The following NCK2 variants were observed in gnomAD, a reference collection of about 807,000 sequenced individuals.
NCK2 encodes cytoplasmic protein NCK2.
In NCK2, 16 loss-of-function variants were observed where a neutral mutation model predicts 33.9. That is an observed-to-expected ratio of 0.47 (90% CI 0.32 to 0.72). NCK2 has a LOEUF of 0.72. NCK2 is among the 30% of genes least tolerant of loss of function. The pLI, the probability that NCK2 is intolerant of heterozygous loss-of-function variation, is 0.03. For synonymous variants in NCK2, 273 were observed against 239.9 expected (o/e 1.14, Z -1.27); for missense variants, 418 against 537.3 (o/e 0.78, Z 2.19).
At chr2:105,757,816 A>G (rs1388761481) in intron 1 of NCK2, among the ~76,000 whole-genome samples, 2 of 152,240 alleles carry the variant, frequency 1.3e-5, no homozygotes, top group Non-Finnish European at 2.9e-5. Flanking sequence ...CATTTGAAGC[A>G]TTCTGGAGGA....
intron 3 of NCK2, among the ~76,000 whole-genome samples, chr2:105,880,185 A>G (rs765736322): frequency 1.1e-4 from 17 of 152,234 alleles, no homozygotes; most frequent in Non-Finnish European, 2.1e-4. Context: ...TGACTGAAGA[A>G]ACAGTACTTA....
intron 1 of NCK2, chr2:105,745,827 G>C (rs1289853737): frequency 3.3e-5 from 5 of 152,164 alleles, no homozygotes. Context: ...ACAATCGCTC[G>C]GCTCTCTCGG....
intron 2 of NCK2, among the ~76,000 whole-genome samples, chr2:105,821,174 T>C (rs1337398418): frequency 1.3e-5 from 2 of 152,234 alleles, no homozygotes; most frequent in African/African-American, 4.8e-5. Context: ...GGAAAAGTCA[T>C]CTGGAATTTA....
intron 3 of NCK2, among the ~76,000 whole-genome samples, chr2:105,863,802 A>C (rs1443355337): frequency 6.6e-6 from 1 of 152,124 alleles, no homozygotes; most frequent in Admixed American, 6.5e-5. Context: ...AGGCTTTGCC[A>C]CCTACTGCTC....
At chr2:105,771,993 C>T (rs376355291) in intron 1 of NCK2, among the ~76,000 whole-genome samples, 3 of 152,196 alleles carry the variant, frequency 2.0e-5, no homozygotes, top group African/African-American at 7.2e-5. Flanking sequence ...ATATTGTCGT[C>T]AAAGTGTCCA....
chr2:105,886,826 G>A (rs1031019642), intron 4 of NCK2, among the ~76,000 whole-genome samples: 4 of 152,212 alleles, frequency 2.6e-5, no homozygotes, highest in African/African-American at 7.2e-5. Flanking sequence ...GACAGGGAAC[G>A]CTCCGTTTGC....
intron 1 of NCK2, among the ~76,000 whole-genome samples, chr2:105,786,926 C>T (rs1214333519): frequency 1.3e-5 from 2 of 152,214 alleles, no homozygotes; most frequent in Middle Eastern, 3.2e-3. Context: ...ATAACAGCAC[C>T]GTCCAGACTC....
intron 2 of NCK2, among the ~76,000 whole-genome samples, chr2:105,826,008 T>C (rs12622245): frequency 0.85 from 129,313 of 152,152 alleles, 55,017 homozygotes; most frequent in Middle Eastern, 0.88. Context: ...TAGGATGGTC[T>C]ACATCCCTTA....
chr2:105,841,640 T>A (rs1309025120), intron 2 of NCK2, among the ~76,000 whole-genome samples: 1 of 151,842 alleles, frequency 6.6e-6, no homozygotes, highest in East Asian at 1.9e-4. Context: ...GAGGGTGGGG[T>A]TGAAAGTCCC....
chr2:105,828,475 C>T (rs1263435720), intron 2 of NCK2, among the ~76,000 whole-genome samples: 4 of 152,120 alleles, frequency 2.6e-5, no homozygotes, highest in Admixed American at 6.5e-5. Flanking sequence ...ACTCACCCAC[C>T]GCAGATCAGT....
chr2:105,790,546 T>C (rs1293404570), intron 1 of NCK2, among the ~76,000 whole-genome samples: 1 of 152,220 alleles, frequency 6.6e-6, no homozygotes, highest in Admixed American at 6.5e-5. Context: ...GGAGCCCTGG[T>C]TTCCTAGGCC....
intron 2 of NCK2, among the ~76,000 whole-genome samples, chr2:105,844,157 G>T (rs1426990857): frequency 6.6e-6 from 1 of 152,114 alleles, no homozygotes; most frequent in Non-Finnish European, 1.5e-5. Flanking sequence ...ACGGGTGGGG[G>T]GACATTCTTT....
In NCK2 at chr2:105,884,425, C is replaced by A. The variant is rs115021586; in HGVS notation, c.948+2376C>A. On this transcript the variant is annotated intron_variant, in intron 4 of 4. Coordinates refer to ENST00000233154, the MANE Select transcript of NCK2 (RefSeq NM_003581.5). ...TGAGGGGTTCAGCCTCCCTGCAGGA[C>A]TCAGTCAGGCATCTTTATTTAATTT... Among the ~76,000 whole-genome samples, 1,492 of 152,320 alleles carry A rather than the reference C, an allele frequency of 9.8e-3. 9 individuals carry two copies. Among genetic ancestry groups the A allele is most frequent in the Non-Finnish European group, 0.016 (1,075 of 68,032 alleles).
rs1355547133 is a variant in NCK2, at chr2:105,881,332, C to T, written c.231C>T (p.Leu77=). The T allele has an allele frequency of 3.8e-6, 6 of 1,589,790 alleles. No individual in the cohort carries two copies. The highest frequency in any genetic ancestry group is 1.1e-5 in the South Asian group (1 of 88,542). ...AGCCTTGCTGTGTCTCCACAGGCCT[C>T]GGCAAGACGCGCAGGAAGACCAGCG... is the stretch of plus-strand genomic sequence containing the variant. ...LVKNLKDTLG[L]GKTRRKTSAR... is the part of the protein sequence containing the mutation. The change falls in exon 4 of 5, where the codon CTC becomes CTT. Residue 77 remains leucine, a synonymous_variant. Coordinates refer to ENST00000233154, the MANE Select transcript of NCK2 (RefSeq NM_003581.5).
intron 1 of NCK2, among the ~76,000 whole-genome samples, chr2:105,790,005 A>T (rs757121571): frequency 6.6e-6 from 1 of 152,230 alleles, no homozygotes; most frequent in African/African-American, 2.4e-5. Context: ...TAGCGTGTTC[A>T]TGTATTGAGT....
At chr2:105,746,993 T>C (rs1247904963) in intron 1 of NCK2, among the ~76,000 whole-genome samples, 7 of 152,176 alleles carry the variant, frequency 4.6e-5, no homozygotes, top group Middle Eastern at 3.2e-3. Context: ...CTGGATGAAA[T>C]TGGGTCACAA....
chr2:105,807,807 T>TCCCTCC (rs1675129784), intron 1 of NCK2, among the ~76,000 whole-genome samples: 1 of 9,704 alleles, frequency 1.0e-4, no homozygotes, highest in African/African-American at 9.1e-4. Flanking sequence ...CTCCCTCCCT[T>TCCCTCC]CTATCTCTCC....
At chr2:105,889,484 T>C (rs1678874311) in intron 4 of NCK2, among the ~76,000 whole-genome samples, 1 of 151,956 alleles carries the variant, frequency 6.6e-6, no homozygotes, top group African/African-American at 2.4e-5. Flanking sequence ...AAACACACGG[T>C]GCTGGAGGTT....
chr2:105,790,983 T>G (rs1452388154), intron 1 of NCK2, among the ~76,000 whole-genome samples: 1 of 152,166 alleles, frequency 6.6e-6, no homozygotes, highest in Admixed American at 6.5e-5. Flanking sequence ...GCTCCTCGTG[T>G]TAGAACCTGC....
Sources: allele counts gnomAD v4.1 joint callset (sites outside exome capture counted in the v4.1 genomes callset), GRCh38; gene constraint gnomAD v4.1.1; transcripts MANE v1.5; gene names NCBI Gene and HGNC (gene_info 2026-07-23, HGNC 2026-07-21).